Variants in SPDEF observed in about 807,000 individuals in gnomAD.
SPDEF encodes the protein SAM pointed domain containing ETS transcription factor.
In SPDEF, 12 loss-of-function variants were observed where a neutral mutation model predicts 36.0. The observed-to-expected ratio is 0.33, with a 90% CI of 0.21 to 0.54. The LOEUF (loss-of-function observed/expected upper bound fraction) is 0.54. Among genes scored for constraint, SPDEF ranks in the 20% least tolerant of loss-of-function variants. SPDEF has a pLI of 0.93. For synonymous variants in SPDEF, 205 were observed against 193.0 expected, an observed-to-expected ratio of 1.06 and a Z score of -0.51; for missense variants, 388 against 456.9, an observed-to-expected ratio of 0.85 and a Z score of 1.37.
intron 2 of SPDEF, 45 bp from the exon 3 acceptor site, chr6:34,541,226 C>G (rs1417189120): frequency 6.5e-7 from 1 of 1,530,088 alleles, no homozygotes; most frequent in Non-Finnish European, 8.8e-7. Context: ...CCTGAGAGCA[C>G]CACCCTGCTG....
At chr6:34,549,319 G>A (rs2127292474) in intron 1 of SPDEF, among the ~76,000 whole-genome samples, 1 of 152,302 alleles carries the variant, frequency 6.6e-6, no homozygotes, top group African/African-American at 2.4e-5. Context: ...AGGGGGATTA[G>A]CCACCTTGGG....
At position 34,549,100 on chromosome 6, in the gene SPDEF, C is replaced by T. The variant is rs550366811; in HGVS notation, c.-29-4616G>A. 1.1e-4 allele frequency among the ~76,000 whole-genome samples: 17 copies of T among 152,366 alleles called. No individual in the cohort carries two copies. In the East Asian group the frequency reaches 2.7e-3, roughly 24 times the overall value. ...CTGCAGCCTTGGCCTGCCAGTCCCA[C>T]GGGCTGCCGTCTCCTGAGCGATGCC... On this transcript the variant is annotated intron_variant, in intron 1 of 5. Transcript: ENST00000374037.
Position 34,539,136 on chromosome 6 carries a change from G to A in SPDEF, c.829+114C>T, listed in dbSNP as rs1453359635. 1.6e-6 allele frequency: 2 copies of A among 1,239,138 alleles called. No individual in the cohort carries two copies. The highest frequency in any genetic ancestry group is 2.3e-5 in the East Asian group (1 of 42,968). 76.8% of individuals were successfully genotyped at this position (1,239,138 alleles called of 1,614,324 possible). ...CATATTTGGCATCTAGGACAAAGGT[G>A]GGGATCAGCTTCACCCCTCTGCCCG... On this transcript the variant is annotated intron_variant, in intron 5 of 5. Transcript: ENST00000374037. The surrounding 1 kb of genome is among the most constrained non-coding windows in gnomAD (Gnocchi z 5.2).
chr6:34,538,073 G>C lies in SPDEF; in HGVS notation c.*201C>G, dbSNP rs536990386. On this transcript the variant is annotated 3_prime_UTR_variant, in exon 6 of 6. Transcript: ENST00000374037. The surrounding 1 kb of genome is among the most constrained non-coding windows in gnomAD (Gnocchi z 5.9). ...GGGAGCAGCTGGGCCTGAGGAGGAA[G>C]CACCCCTGCCCCAGGGTCCCGAAGG... 1 of 553,260 alleles carries C rather than the reference G, an allele frequency of 1.8e-6. No homozygotes were observed. Among genetic ancestry groups the C allele is most frequent in the Non-Finnish European group, 3.2e-6 (1 of 313,902 alleles). 34.3% of individuals were successfully genotyped at this position (553,260 alleles called of 1,614,324 possible).
rs919211143 is a variant in SPDEF, at chr6:34,555,525, C to A, written c.-30+404G>T. Among the ~76,000 whole-genome samples the A allele has an allele frequency of 2.0e-5, 3 of 152,156 alleles. No homozygotes were observed. Among genetic ancestry groups the A allele is most frequent in the African/African-American group, 7.2e-5 (3 of 41,440 alleles). On this transcript the variant is annotated intron_variant, in intron 1 of 5. Coordinates refer to ENST00000374037, the MANE Select transcript of SPDEF (RefSeq NM_012391.3). This position sits in a 1 kb window ranked among gnomAD's most constrained non-coding sequence, Gnocchi z 5.2. ...ACTGGTGGCCTGGCACCAGGGAGAC[C>A]CTTTCCTCAGCAGAGCAGCTGGGTT...
rs560465376 is a variant in SPDEF at position 34,542,040 on chromosome 6, T to G, written c.437-859A>C. Reference sequence around the variant, plus strand: ...AGCCATTTGTTTCTGTTCCCATTGTTGAGGGAGCAGGGCCCTCCCCTCCCT... The same window carrying G: ...AGCCATTTGTTTCTGTTCCCATTGTGGAGGGAGCAGGGCCCTCCCCTCCCT... On this transcript the variant is annotated intron_variant, in intron 2 of 5. Coordinates refer to ENST00000374037, the MANE Select transcript of SPDEF (RefSeq NM_012391.3). Among the ~76,000 whole-genome samples the G allele has an allele frequency of 8.5e-5, 13 of 152,318 alleles. No individual in the cohort carries two copies. The East Asian group carries it at 2.5e-3, about 29-fold the overall frequency.
At chr6:34,540,626 T>TA (rs200047545) in intron 3 of SPDEF, among the ~76,000 whole-genome samples, 2,942 of 150,358 alleles carry the variant, frequency 0.02, 70 homozygotes, top group East Asian at 0.11. Flanking sequence ...ACTTCTTTAA[T>TA]AAAAAAAAAC....
chr6:34,549,173 T>C (rs1414968863), intron 1 of SPDEF, among the ~76,000 whole-genome samples: 1 of 152,076 alleles, frequency 6.6e-6, no homozygotes, highest in Non-Finnish European at 1.5e-5. Flanking sequence ...AAGCCACATG[T>C]CTGGATTAAG....
chr6:34,550,929 G>T (rs1768047220), intron 1 of SPDEF, among the ~76,000 whole-genome samples: 1 of 152,242 alleles, frequency 6.6e-6, no homozygotes, highest in Admixed American at 6.5e-5. Context: ...TGGGCAGCCT[G>T]GGTGTCCACA....
Position 34,537,979 on chromosome 6 carries a change from C to A in SPDEF, c.*295G>T. ...TGTCGAGTCACTGCCCTTCTGTAGG[C>A]TCTGCTCTGGAAATGCTGGGGTCAG... On this transcript the variant is annotated 3_prime_UTR_variant, in exon 6 of 6. Transcript: ENST00000374037. The A allele has an allele frequency of 2.8e-6, 1 of 353,418 alleles. No homozygotes were observed. The highest frequency in any genetic ancestry group is 5.2e-6 in the Non-Finnish European group (1 of 190,516). The allele number at this position is 353,418 out of a possible 1,614,324, so 21.9% of individuals were successfully genotyped here. A position where few individuals can be genotyped will look rare whatever the true frequency, so the allele number is the denominator to read the frequency against.
intron 1 of SPDEF, among the ~76,000 whole-genome samples, chr6:34,550,909 C>T (rs1262854933): frequency 3.9e-5 from 6 of 152,268 alleles, no homozygotes; most frequent in Non-Finnish European, 8.8e-5. Flanking sequence ...CTCCTCTGTG[C>T]CCTGCTGCAT....
intron 1 of SPDEF, among the ~76,000 whole-genome samples, chr6:34,550,375 A>AC (rs1768033935): frequency 6.6e-6 from 1 of 151,666 alleles, no homozygotes; most frequent in African/African-American, 2.4e-5. Context: ...TGGACAGACC[A>AC]CCCCGCTGCC....
In SPDEF at chr6:34,539,389, G is replaced by T. The variant is rs1581995097; in HGVS notation, c.690C>A (p.Thr230=). ...CGCTGTCGGTCCAGCTCTCCTCACT[G>T]GTCGAGGCTGGGTGGCCAGGGAGGG... The part of the protein sequence containing the change: ...SPGAIHYCAS[T]SEESWTDSEV... The change falls in exon 5 of 6, where the codon ACC becomes ACA. Residue 230 remains threonine (T), a synonymous_variant. Coordinates refer to ENST00000374037, the MANE Select transcript of SPDEF (RefSeq NM_012391.3). The surrounding 1 kb of genome is among the most constrained non-coding windows in gnomAD (Gnocchi z 5.2). 1.2e-6 allele frequency: 2 copies of T among 1,613,530 alleles called. No homozygotes were observed. The highest frequency in any genetic ancestry group is 1.7e-6 in the Non-Finnish European group (2 of 1,180,026).
chr6:34,548,435 C>A (rs1375366642), intron 1 of SPDEF, among the ~76,000 whole-genome samples: 1 of 152,202 alleles, frequency 6.6e-6, no homozygotes, highest in Non-Finnish European at 1.5e-5. Flanking sequence ...ATCAGACACC[C>A]CTGTGCTCAA....
chr6:34,553,155 G>A (rs1276201647), intron 1 of SPDEF, among the ~76,000 whole-genome samples: 1 of 152,282 alleles, frequency 6.6e-6, no homozygotes, highest in African/African-American at 2.4e-5. Flanking sequence ...CCTGGCTGGG[G>A]AGGAAGGATG....
At position 34,552,443 on chromosome 6, in the gene SPDEF, G is replaced by T. The variant is rs1768081938; in HGVS notation, c.-30+3486C>A. Among the ~76,000 whole-genome samples the T allele has an allele frequency of 6.6e-6, 1 of 152,230 alleles. No homozygotes were observed. The highest frequency in any genetic ancestry group is 2.4e-5 in the African/African-American group (1 of 41,454). On this transcript the variant is annotated intron_variant, in intron 1 of 5. Transcript: ENST00000374037. This position sits in a 1 kb window ranked among gnomAD's most constrained non-coding sequence, Gnocchi z 4.6. ...AAAGACAGCTGTGTGTCTGGATTTT[G>T]AAGTCACCAGGCAGGACAGCGATGT...
At position 34,539,485 on chromosome 6, in the gene SPDEF, C is replaced by T; in HGVS notation, c.682+30G>A. ...CCACCCCTCCACCCCACCCGAGCCC[C>T]CGCCTCCACCCTGCCGCTGCCTGGC... On this transcript the variant is annotated intron_variant, in intron 4 of 5. Transcript: ENST00000374037. The surrounding 1 kb of genome is among the most constrained non-coding windows in gnomAD (Gnocchi z 5.2). 6.3e-7 allele frequency: 1 copy of T among 1,584,550 alleles called. No homozygotes were observed. Among genetic ancestry groups the T allele is most frequent in the South Asian group, 1.1e-5 (1 of 88,088 alleles).
chr6:34,543,922 G>A, intron 2 of SPDEF, 98 bp downstream of exon 2: 1 of 1,212,368 alleles, frequency 8.2e-7, no homozygotes, highest in East Asian at 2.5e-5. Flanking sequence ...TGGGCCAGAG[G>A]TGGCCAGAGT....
At chr6:34,549,737 C>T (rs1379394703) in intron 1 of SPDEF, among the ~76,000 whole-genome samples, 1 of 152,188 alleles carries the variant, frequency 6.6e-6, no homozygotes, top group Non-Finnish European at 1.5e-5. Flanking sequence ...AATGCCAGCC[C>T]GCCCAGAGCC....
Sources: allele counts gnomAD v4.1 joint callset (sites outside exome capture counted in the v4.1 genomes callset), GRCh38; gene constraint gnomAD v4.1.1; non-coding constraint Gnocchi (gnomAD v3.1); transcripts MANE v1.5; gene names NCBI Gene and HGNC (gene_info 2026-07-23, HGNC 2026-07-21).